Variants in GPC5 observed in about 807,000 individuals in gnomAD.
The protein encoded by GPC5 is glypican-5.
GPC5 carries 47 observed loss-of-function variants against 53.9 expected under a neutral mutation model. The ratio of observed to expected loss-of-function variants is 0.87; its 90% CI spans 0.69 to 1.11. GPC5 has a LOEUF of 1.11. Among genes scored for constraint, GPC5 ranks in the 50% most tolerant of loss-of-function variants. GPC5 has a pLI of 0.00. For missense variants in GPC5, 748 were observed against 713.1 expected (o/e 1.05, Z -0.56); for synonymous variants, 286 against 263.3 (o/e 1.09, Z -0.84).
At chr13:92,342,159 ATCT>A (rs2043372172) in intron 7 of GPC5, among the ~76,000 whole-genome samples, 1 of 152,086 alleles carries the variant, frequency 6.6e-6, no homozygotes, top group Admixed American at 6.6e-5. Flanking sequence ...ATCAGGCCAC[ATCT>A]TCTTACCTTT....
intron 7 of GPC5, among the ~76,000 whole-genome samples, chr13:92,429,520 G>T (rs938842137): frequency 4.6e-5 from 7 of 151,422 alleles, no homozygotes; most frequent in African/African-American, 1.5e-4. Context: ...AATCACAAAA[G>T]ATTTTTTATT....
intron 7 of GPC5, among the ~76,000 whole-genome samples, chr13:92,430,345 A>G (rs1877030362): frequency 6.6e-6 from 1 of 152,162 alleles, no homozygotes; most frequent in African/African-American, 2.4e-5. Flanking sequence ...GTATGTAACT[A>G]TTCAAATTTT....
chr13:91,924,804 A>G (rs1468982028), intron 6 of GPC5, among the ~76,000 whole-genome samples: 2 of 151,962 alleles, frequency 1.3e-5, no homozygotes, highest in African/African-American at 2.4e-5. Flanking sequence ...TTTAAAATGT[A>G]TATTTCCCAA....
chr13:92,242,244 A>T (rs962699429), intron 7 of GPC5, among the ~76,000 whole-genome samples: 4 of 151,814 alleles, frequency 2.6e-5, no homozygotes, highest in Non-Finnish European at 5.9e-5. Flanking sequence ...AAAAAAAAAA[A>T]AAAAAAAATT....
intron 7 of GPC5, among the ~76,000 whole-genome samples, chr13:92,644,751 G>C (rs540334396): frequency 4.0e-4 from 61 of 151,978 alleles, no homozygotes; most frequent in Middle Eastern, 3.4e-3. Flanking sequence ...TCTGTTTTTG[G>C]AACATGGTTA....
chr13:92,820,389 G>A (rs1877633025), intron 7 of GPC5, among the ~76,000 whole-genome samples: 2 of 152,032 alleles, frequency 1.3e-5, no homozygotes, highest in African/African-American at 4.8e-5. Context: ...TGTTTTCCAT[G>A]TCCACTGTCT....
At chr13:92,098,132 AGTT>A (rs1253862083) in intron 6 of GPC5, among the ~76,000 whole-genome samples, 1 of 152,120 alleles carries the variant, frequency 6.6e-6, no homozygotes, top group Non-Finnish European at 1.5e-5. Flanking sequence ...AGTATGCAAT[AGTT>A]ATTTTTTCTG....
chr13:91,585,345 T>G (rs930983201), intron 2 of GPC5, among the ~76,000 whole-genome samples: 1 of 152,126 alleles, frequency 6.6e-6, no homozygotes. Context: ...TAAAACAAAG[T>G]TCATAACAGC....
intron 2 of GPC5, among the ~76,000 whole-genome samples, chr13:91,577,802 C>T (rs993185161): frequency 6.6e-6 from 1 of 152,184 alleles, no homozygotes; most frequent in African/African-American, 2.4e-5. Context: ...AGTCTCCTGA[C>T]ACCTCTTACC....
chr13:92,253,431 TA>T (rs34449669), intron 7 of GPC5, among the ~76,000 whole-genome samples: 86,668 of 151,130 alleles, frequency 0.57, 25,033 homozygotes, highest in South Asian at 0.65. Flanking sequence ...TAACAGGAGT[TA>T]AAAAAAAATA....
chr13:92,047,806 TAA>T (rs35020183), intron 6 of GPC5, among the ~76,000 whole-genome samples: 2 of 98,786 alleles, frequency 2.0e-5, no homozygotes, highest in African/African-American at 8.3e-5. Flanking sequence ...CTGTCTCTAC[TAA>T]AAAAAAAAAA....
At chr13:91,814,328 C>G (rs926899962) in intron 5 of GPC5, among the ~76,000 whole-genome samples, 1 of 152,122 alleles carries the variant, frequency 6.6e-6, no homozygotes, top group South Asian at 2.1e-4. Flanking sequence ...TGATGTCTCT[C>G]TCTGTATACA....
intron 6 of GPC5, among the ~76,000 whole-genome samples, chr13:91,983,686 C>T (rs993529661): frequency 6.6e-6 from 1 of 152,042 alleles, no homozygotes; most frequent in African/African-American, 2.4e-5. Context: ...ATTGATAAGG[C>T]CATTTGTAGC....
intron 3 of GPC5, among the ~76,000 whole-genome samples, chr13:91,705,211 C>A (rs1160604151): frequency 6.6e-6 from 1 of 152,128 alleles, no homozygotes; most frequent in Non-Finnish European, 1.5e-5. Flanking sequence ...CACATTTTTC[C>A]CCTTCTGACT....
intron 7 of GPC5, among the ~76,000 whole-genome samples, chr13:92,513,093 G>A (rs1334682966): frequency 6.6e-6 from 1 of 152,200 alleles, no homozygotes; most frequent in Non-Finnish European, 1.5e-5. Flanking sequence ...AAGGTCACCG[G>A]CGGAAGGCCA....
intron 7 of GPC5, among the ~76,000 whole-genome samples, chr13:92,715,008 T>A (rs1380746121): frequency 6.6e-6 from 1 of 152,118 alleles, no homozygotes; most frequent in Non-Finnish European, 1.5e-5. Context: ...GAAGTTGCAG[T>A]GAGCCAAGAT....
intron 2 of GPC5, among the ~76,000 whole-genome samples, chr13:91,570,359 A>G (rs2031727031): frequency 6.6e-6 from 1 of 152,164 alleles, no homozygotes; most frequent in South Asian, 2.1e-4. Flanking sequence ...ATTCAAAGGA[A>G]ATGTTCCTTG....
chr13:92,498,609 C>T (rs1880071435), intron 7 of GPC5, among the ~76,000 whole-genome samples: 1 of 152,146 alleles, frequency 6.6e-6, no homozygotes, highest in Non-Finnish European at 1.5e-5. Context: ...ACCTGATGGT[C>T]ACCTGACATT....
intron 6 of GPC5, among the ~76,000 whole-genome samples, chr13:91,966,875 CAA>C (rs2040185770): frequency 6.6e-6 from 1 of 152,116 alleles, no homozygotes; most frequent in Admixed American, 6.6e-5. Flanking sequence ...CAAAATATTG[CAA>C]TCTGATTATA....
Sources: gnomAD v4.1 joint callset for allele counts (sites outside exome capture counted in the v4.1 genomes callset) on GRCh38, gnomAD v4.1.1 for gene constraint, MANE v1.5 for transcripts, NCBI Gene and HGNC (gene_info 2026-07-23, HGNC 2026-07-21) for gene names.